SVOPL: variants seen among roughly 807,000 people sequenced by gnomAD.
The protein encoded by SVOPL is SVOP like.
In SVOPL, 60 loss-of-function variants were observed where a neutral mutation model predicts 61.0. The observed-to-expected ratio is 0.98, with a 90% CI of 0.80 to 1.22. SVOPL has a LOEUF of 1.22. Among genes scored for constraint, SVOPL ranks in the 50% most tolerant of loss-of-function variants. SVOPL has a pLI of 0.00. For synonymous variants in SVOPL, 279 were observed against 250.0 expected (o/e 1.12, Z -1.09); for missense variants, 662 against 643.9 (o/e 1.03, Z -0.30).
intron 1 of SVOPL, among the ~76,000 whole-genome samples, chr7:138,698,623 C>A (rs1178196923): frequency 3.3e-5 from 5 of 152,180 alleles, no homozygotes; most frequent in Non-Finnish European, 7.3e-5. Context: ...CTCTTAGATC[C>A]AAGCCACTGT....
chr7:138,606,391 A>G (rs1798758919), intron 14 of SVOPL, among the ~76,000 whole-genome samples: 1 of 152,104 alleles, frequency 6.6e-6, no homozygotes, highest in Non-Finnish European at 1.5e-5. Context: ...AAAAGCTTTT[A>G]TAAGAAACTT....
chr7:138,690,934 G>A (rs559728849), intron 1 of SVOPL, among the ~76,000 whole-genome samples: 14 of 152,068 alleles, frequency 9.2e-5, no homozygotes, highest in African/African-American at 2.9e-4. Context: ...CACCATGCCC[G>A]ACTAATTTTT....
At chr7:138,692,475 C>T (rs1001163163) in intron 1 of SVOPL, among the ~76,000 whole-genome samples, 1 of 152,034 alleles carries the variant, frequency 6.6e-6, no homozygotes, top group African/African-American at 2.4e-5. Context: ...GACACAAGTA[C>T]ATATTACAGT....
intron 4 of SVOPL, 119 bp downstream of exon 4, chr7:138,671,900 T>A: frequency 1.2e-6 from 1 of 859,058 alleles, no homozygotes. Context: ...AACCCTTGAG[T>A]TTTGGAAGCC....
intron 1 of SVOPL, among the ~76,000 whole-genome samples, chr7:138,688,754 T>C (rs1429928241): frequency 6.6e-6 from 1 of 152,270 alleles, no homozygotes; most frequent in Non-Finnish European, 1.5e-5. Flanking sequence ...AGGGTAAACA[T>C]AGAGTTACCG....
At chr7:138,598,372 C>T (rs933230872) in intron 14 of SVOPL, among the ~76,000 whole-genome samples, 5 of 152,146 alleles carry the variant, frequency 3.3e-5, no homozygotes, top group Non-Finnish European at 1.5e-5. Flanking sequence ...AAATAGACAT[C>T]CACAAATAGT....
At chr7:138,608,179 A>G (rs1416565820) in intron 14 of SVOPL, among the ~76,000 whole-genome samples, 2 of 152,222 alleles carry the variant, frequency 1.3e-5, no homozygotes, top group Non-Finnish European at 1.5e-5. Flanking sequence ...ATCAGAAAAA[A>G]AGTCAATTTT....
At chr7:138,654,364 A>G (rs181617021) in intron 7 of SVOPL, among the ~76,000 whole-genome samples, 3 of 152,338 alleles carry the variant, frequency 2.0e-5, no homozygotes, top group African/African-American at 7.2e-5. Flanking sequence ...TCACATATAT[A>G]CCCAAAATAT....
chr7:138,669,460 C>A (rs975233661), intron 4 of SVOPL, among the ~76,000 whole-genome samples: 1 of 152,158 alleles, frequency 6.6e-6, no homozygotes, highest in African/African-American at 2.4e-5. Flanking sequence ...TTATCTTAAA[C>A]CTGCTCCCTA....
In SVOPL at chr7:138,656,169, GATC is replaced by G. The variant is rs573762080; in HGVS notation, c.534+276_534+278del. Among the ~76,000 whole-genome samples, 178 of 152,286 alleles carry G rather than the reference GATC, an allele frequency of 1.2e-3. 3 individuals are homozygous for G. The highest frequency in any genetic ancestry group is 3.8e-3 in the African/African-American group (159 of 41,554). On this transcript the variant is annotated intron_variant, in intron 7 of 15. Coordinates refer to ENST00000674285, the MANE Select transcript of SVOPL (RefSeq NM_001139456.2). ...ATTATGACTCTCTAAAGGCTCAGAA[GATC>G]ATTAGAATTTATCAGCAATCAAGTA...
chr7:138,600,411 G>A (rs74778702), intron 14 of SVOPL, among the ~76,000 whole-genome samples: 8,825 of 152,092 alleles, frequency 0.058, 300 homozygotes, highest in Middle Eastern at 0.092. Context: ...TGACCATCCT[G>A]GGCAACAGAG....
intron 9 of SVOPL, among the ~76,000 whole-genome samples, chr7:138,635,139 G>T (rs1800406450): frequency 6.6e-6 from 1 of 152,054 alleles, no homozygotes; most frequent in African/African-American, 2.4e-5. Flanking sequence ...GGGTGTGGTG[G>T]CACATGCCTA....
chr7:138,678,666 G>T, intron 2 of SVOPL, 141 bp from the exon 3 acceptor site: 1 of 773,586 alleles, frequency 1.3e-6, no homozygotes, highest in Non-Finnish European at 2.1e-6. Context: ...CTGCCTACTG[G>T]TCCAAGCAAT....
intron 7 of SVOPL, among the ~76,000 whole-genome samples, chr7:138,655,629 T>C (rs1801689825): frequency 8.4e-6 from 1 of 118,364 alleles, no homozygotes; most frequent in Non-Finnish European, 1.8e-5. Flanking sequence ...CATATAAATG[T>C]ATATATACTA....
At chr7:138,632,345 A>G (rs1800244466) in intron 9 of SVOPL, among the ~76,000 whole-genome samples, 1 of 152,116 alleles carries the variant, frequency 6.6e-6, no homozygotes, top group African/African-American at 2.4e-5. Context: ...GAGGCAGGAG[A>G]CTCGCTTGAA....
rs1182482447 is a variant in SVOPL at position 138,611,626 on chromosome 7, A to C, written c.1353+9420T>G. ...TTTCCCCATGCTTCAAGAGAACATC[A>C]GGCATTTATATAGGACAAAAAGATC... is the stretch of plus-strand genomic sequence containing the variant. On this transcript the variant is annotated intron_variant, in intron 14 of 15. Coordinates refer to ENST00000674285, the MANE Select transcript of SVOPL (RefSeq NM_001139456.2). Among the ~76,000 whole-genome samples, 6 of 152,090 alleles carry C rather than the reference A, an allele frequency of 3.9e-5. 1 individual carries two copies. Among genetic ancestry groups the C allele is most frequent in the Non-Finnish European group, 2.9e-5 (2 of 68,036 alleles).
intron 14 of SVOPL, among the ~76,000 whole-genome samples, chr7:138,604,974 G>T (rs971081489): frequency 4.6e-5 from 7 of 151,914 alleles, no homozygotes; most frequent in Non-Finnish European, 8.8e-5. Flanking sequence ...CCAGCACTTT[G>T]GGAGGCTGAG....
chr7:138,699,353 C>T (rs748919818), intron 1 of SVOPL, among the ~76,000 whole-genome samples: 1 of 152,074 alleles, frequency 6.6e-6, no homozygotes, highest in African/African-American at 2.4e-5. Context: ...TAAAGAGTTA[C>T]CAAATACATA....
At chr7:138,609,288 C>T (rs1798889280) in intron 14 of SVOPL, among the ~76,000 whole-genome samples, 1 of 152,052 alleles carries the variant, frequency 6.6e-6, no homozygotes, top group Admixed American at 6.6e-5. Context: ...AGCGAGCAGA[C>T]CCCTTCACCT....
Sources: allele counts gnomAD v4.1 joint callset (sites outside exome capture counted in the v4.1 genomes callset), GRCh38; gene constraint gnomAD v4.1.1; transcripts MANE v1.5; gene names NCBI Gene and HGNC (gene_info 2026-07-23, HGNC 2026-07-21).